The following ZMYND8 variants were observed in gnomAD, a reference collection of about 807,000 sequenced individuals.
ZMYND8 encodes the protein MYND-type zinc finger-containing chromatin reader ZMYND8.
A neutral mutation model predicts 140.8 loss-of-function variants in ZMYND8; 37 were observed. That is an observed-to-expected ratio of 0.26 (90% CI 0.20 to 0.35). The LOEUF is 0.35. ZMYND8 is among the 10% of genes least tolerant of loss of function. The pLI is 1.00. For synonymous variants in ZMYND8, 592 were observed against 597.1 expected, an observed-to-expected ratio of 0.99 and a Z score of 0.12; for missense variants, 1,068 against 1,570.0, an observed-to-expected ratio of 0.68 and a Z score of 5.40.
intron 2 of ZMYND8, among the ~76,000 whole-genome samples, chr20:47,342,846 C>CAAAAAAAA (rs1041501318): frequency 1.3e-5 from 1 of 75,008 alleles, no homozygotes; most frequent in Admixed American, 1.7e-4. Context: ...GACTACATCT[C>CAAAAAAAA]AAAAAAAAAA....
At chr20:47,280,881 G>C (rs2076566288) in intron 10 of ZMYND8, among the ~76,000 whole-genome samples, 1 of 151,976 alleles carries the variant, frequency 6.6e-6, no homozygotes, top group South Asian at 2.1e-4. Context: ...AACCCTCTCA[G>C]CCTCAGCCCT....
chr20:47,272,183 TTC>T (rs1255875208), intron 11 of ZMYND8, among the ~76,000 whole-genome samples: 1 of 151,734 alleles, frequency 6.6e-6, no homozygotes, highest in Non-Finnish European at 1.5e-5. Context: ...ATTCAAGCAA[TTC>T]TCTTGCCTCA....
intron 2 of ZMYND8, among the ~76,000 whole-genome samples, chr20:47,322,009 G>A (rs931189519): frequency 2.0e-5 from 3 of 151,640 alleles, no homozygotes; most frequent in Admixed American, 6.6e-5. Flanking sequence ...TACAGGCACA[G>A]GCCACCATGC....
intron 11 of ZMYND8, among the ~76,000 whole-genome samples, chr20:47,267,993 T>C (rs902533742): frequency 6.6e-6 from 1 of 152,100 alleles, no homozygotes; most frequent in African/African-American, 2.4e-5. Flanking sequence ...CCTTTTGACA[T>C]GAAAATATTG....
intron 11 of ZMYND8, among the ~76,000 whole-genome samples, chr20:47,267,496 C>CGG (rs57088437): frequency 1.5e-4 from 13 of 86,516 alleles, no homozygotes; most frequent in Non-Finnish European, 2.0e-4. Context: ...AGGGCCGGGG[C>CGG]GGGGGGGGGG....
At chr20:47,295,150 G>A (rs1601679047) in intron 4 of ZMYND8, among the ~76,000 whole-genome samples, 1 of 152,154 alleles carries the variant, frequency 6.6e-6, no homozygotes, top group African/African-American at 2.4e-5. Flanking sequence ...CCCAGCACTT[G>A]GGGAGGCTGA....
intron 14 of ZMYND8, among the ~76,000 whole-genome samples, chr20:47,243,065 G>A (rs966561727): frequency 6.6e-6 from 1 of 152,224 alleles, no homozygotes; most frequent in Non-Finnish European, 1.5e-5. Flanking sequence ...ATGTGCCAGT[G>A]AAAGCACAGC....
chr20:47,232,897 G>GTTTTTTTTTTTTTT (rs144707608), intron 16 of ZMYND8, among the ~76,000 whole-genome samples: 1 of 70,126 alleles, frequency 1.4e-5, no homozygotes, highest in African/African-American at 4.3e-5. Context: ...GTTTTTTTTT[G>GTTTTTTTTTTTTTT]TTTTTTTTGT....
At chr20:47,234,535 A>T (rs1337182487) in intron 16 of ZMYND8, among the ~76,000 whole-genome samples, 1 of 152,156 alleles carries the variant, frequency 6.6e-6, no homozygotes, top group Non-Finnish European at 1.5e-5. Flanking sequence ...AGACACCATG[A>T]CTGCAACTGC....
intron 3 of ZMYND8, among the ~76,000 whole-genome samples, chr20:47,305,415 A>G (rs1210173527): frequency 1.3e-5 from 2 of 151,704 alleles, no homozygotes; most frequent in African/African-American, 2.4e-5. Flanking sequence ...TAATTTTTCT[A>G]TTTTTAGTAG....
chr20:47,221,557 C>T, intron 19 of ZMYND8, 83 bp from the exon 20 acceptor site: 8 of 1,469,586 alleles, frequency 5.4e-6, no homozygotes, highest in Non-Finnish European at 7.3e-6. Flanking sequence ...CGCCCTGCAC[C>T]CAGTGGCACC....
intron 2 of ZMYND8, among the ~76,000 whole-genome samples, chr20:47,341,715 A>G (rs2081905147): frequency 6.6e-6 from 1 of 150,948 alleles, no homozygotes; most frequent in South Asian, 2.1e-4. Flanking sequence ...CTAAAAATAC[A>G]AAACTTGGCC....
chr20:47,220,152 T>C (rs1029501592), intron 21 of ZMYND8, 106 bp downstream of exon 21: 1 of 1,072,828 alleles, frequency 9.3e-7, no homozygotes, highest in African/African-American at 1.7e-5. Context: ...CCATAATCGT[T>C]TGGAAACCAT....
chr20:47,263,579 T>C (rs1053266505), intron 11 of ZMYND8, among the ~76,000 whole-genome samples: 2 of 152,140 alleles, frequency 1.3e-5, no homozygotes, highest in East Asian at 3.9e-4. Context: ...TAATGTAATA[T>C]AGTGGGAAAG....
At chr20:47,220,236 C>T (rs368731917) in intron 21 of ZMYND8, 22 bp downstream of exon 21, 41 of 1,550,140 alleles carry the variant, frequency 2.6e-5, no homozygotes, top group Admixed American at 7.8e-5. Context: ...AAGCACCGTT[C>T]GCCCACCAGG....
intron 13 of ZMYND8, among the ~76,000 whole-genome samples, chr20:47,248,940 C>T (rs1156529587): frequency 6.6e-6 from 1 of 150,922 alleles, no homozygotes; most frequent in Non-Finnish European, 1.5e-5. Flanking sequence ...CTACAGAACA[C>T]ACTCACTACT....
chr20:47,213,548 G>A (rs1032147393), intron 21 of ZMYND8, among the ~76,000 whole-genome samples: 5 of 152,176 alleles, frequency 3.3e-5, no homozygotes, highest in Admixed American at 2.6e-4. Flanking sequence ...GCAGTTATAG[G>A]ACAGAATGCA....
Position 47,236,461 on chromosome 20 carries a change from C to A in ZMYND8, c.2721G>T (p.Val907=). Residue 907 remains valine, a synonymous_variant, in exon 16 of 23, where the codon GTG becomes GTT. Transcript: ENST00000471951. ...QSPSTSTITL[V]TSTQSSPLVT... is the part of the protein sequence containing the mutation. ...CCAGGGGCGATGACTGTGTGCTGGT[C>A]ACCAGGGTGATGGTGGACGTGGATG... 6.2e-7 allele frequency: 1 copy of A among 1,611,696 alleles called. No homozygotes were observed. Among genetic ancestry groups the A allele is most frequent in the South Asian group, 1.1e-5 (1 of 90,708 alleles).
chr20:47,244,488 G>A (rs533525408), intron 14 of ZMYND8, among the ~76,000 whole-genome samples: 1 of 152,262 alleles, frequency 6.6e-6, no homozygotes, highest in African/African-American at 2.4e-5. Flanking sequence ...CCTTTTGTTG[G>A]GCTTGTTAAC....
Sources: gnomAD v4.1 joint callset for allele counts (sites outside exome capture counted in the v4.1 genomes callset) on GRCh38, gnomAD v4.1.1 for gene constraint, MANE v1.5 for transcripts, NCBI Gene and HGNC (gene_info 2026-07-23, HGNC 2026-07-21) for gene names.